GPM6A: variants seen among roughly 807,000 people sequenced by gnomAD.
GPM6A encodes the protein neuronal membrane glycoprotein M6-a.
GPM6A carries 7 observed loss-of-function variants against 32.1 expected under a neutral mutation model. That is an observed-to-expected ratio of 0.22 (90% confidence interval 0.12 to 0.41). The LOEUF (loss-of-function observed/expected upper bound fraction) is 0.41. Among genes scored for constraint, GPM6A ranks in the 10% least tolerant of loss-of-function variants. The probability of loss-of-function intolerance (pLI) is 1.00; values close to 1 mark genes in which losing one functional copy is unlikely to be tolerated. For missense variants in GPM6A, 235 were observed against 347.2 expected (o/e 0.68, Z 2.57); for synonymous variants, 130 against 123.4 (o/e 1.05, Z -0.35).
chr4:175,932,454 G>A (rs1739083303), intron 1 of GPM6A, among the ~76,000 whole-genome samples: 3 of 152,188 alleles, frequency 2.0e-5, no homozygotes, highest in African/African-American at 2.4e-5. Flanking sequence ...CCTTGATCTC[G>A]GACTTTCCAT....
intron 1 of GPM6A, among the ~76,000 whole-genome samples, chr4:175,850,686 A>G (rs1168813161): frequency 6.6e-6 from 1 of 151,994 alleles, no homozygotes; most frequent in Non-Finnish European, 1.5e-5. Context: ...GATGCATTGC[A>G]AGAAATATAT....
chr4:175,660,871 T>C (rs1301029018), intron 3 of GPM6A, among the ~76,000 whole-genome samples: 1 of 152,228 alleles, frequency 6.6e-6, no homozygotes. Context: ...AGGTTGACAG[T>C]GTGACACTTT....
intron 1 of GPM6A, among the ~76,000 whole-genome samples, chr4:175,765,350 A>T (rs1051444068): frequency 2.0e-5 from 3 of 152,158 alleles, no homozygotes; most frequent in Admixed American, 1.3e-4. Context: ...TCTTAAGTTT[A>T]TTCTCCACCA....
chr4:175,714,994 GAAA>G (rs34494840), intron 1 of GPM6A, among the ~76,000 whole-genome samples: 14 of 105,372 alleles, frequency 1.3e-4, no homozygotes, highest in Non-Finnish European at 2.9e-4. Flanking sequence ...ATCCCTGGAA[GAAA>G]AAAAAAAAAA....
chr4:175,927,586 G>A (rs1738885574), intron 1 of GPM6A, among the ~76,000 whole-genome samples: 1 of 152,194 alleles, frequency 6.6e-6, no homozygotes, highest in Non-Finnish European at 1.5e-5. Context: ...TACTGGTTAA[G>A]AATGAAGGTA....
chr4:175,880,434 T>G (rs574134584), intron 1 of GPM6A, among the ~76,000 whole-genome samples: 13 of 152,294 alleles, frequency 8.5e-5, no homozygotes, highest in African/African-American at 2.2e-4. Context: ...AAAGTCATTG[T>G]TAGCTTGATG....
At chr4:175,963,228 C>T (rs1385070328) in intron 1 of GPM6A, among the ~76,000 whole-genome samples, 2 of 151,662 alleles carry the variant, frequency 1.3e-5, no homozygotes, top group Non-Finnish European at 2.9e-5. Flanking sequence ...GAGAAAAGAA[C>T]AGAAAAAAAT....
upstream of GPM6A, chr4:175,812,732 T>TC: frequency 1.0e-6 from 1 of 985,300 alleles, no homozygotes; most frequent in Non-Finnish European, 1.2e-6. Context: ...AACCCGTAAT[T>TC]CCCCCCTTCA....
In GPM6A at chr4:175,633,542, C is replaced by G. The variant is rs1320361694; in HGVS notation, c.*1363G>C. ...GCACAATACTACCTAGTTTTATACA[C>G]TGAAAAAAATGTCTTGTCAGGCTAC... On this transcript the variant is annotated 3_prime_UTR_variant, in exon 7 of 7. Coordinates refer to ENST00000393658, the MANE Select transcript of GPM6A (RefSeq NM_201591.3). 1.3e-5 allele frequency: 2 copies of G among 152,338 alleles called. No homozygotes were observed. Among genetic ancestry groups the G allele is most frequent in the Non-Finnish European group, 2.9e-5 (2 of 67,902 alleles). 9.4% of individuals were successfully genotyped at this position (152,338 alleles called of 1,614,324 possible).
chr4:175,939,655 C>T (rs781318524), intron 1 of GPM6A, among the ~76,000 whole-genome samples: 1 of 151,924 alleles, frequency 6.6e-6, no homozygotes, highest in African/African-American at 2.4e-5. Flanking sequence ...ATAAGCCTAC[C>T]AGATGGAAAA....
intron 1 of GPM6A, among the ~76,000 whole-genome samples, chr4:175,826,413 T>G (rs2111358367): frequency 6.6e-6 from 1 of 152,238 alleles, no homozygotes; most frequent in South Asian, 2.1e-4. Context: ...TATCACACTT[T>G]CCATTATAAA....
In GPM6A at chr4:175,797,511, A is replaced by T. The variant is rs572520898; in HGVS notation, c.37+14680T>A. The stretch of plus-strand genomic sequence containing the variant: ...TACATGGTAACTGTTTTATTGTTAC[A>T]TGCATTAGCATTTTCAATAACCGTA... On this transcript the variant is annotated intron_variant, in intron 1 of 6. Transcript: ENST00000393658. Among the ~76,000 whole-genome samples the T allele has an allele frequency of 5.3e-5, 8 of 152,274 alleles. No homozygotes were observed. In the South Asian group the frequency reaches 6.2e-4, roughly 12 times the overall value.
rs544602798 is a variant in GPM6A, at chr4:175,671,684, A to G, written c.387+1996T>C. Among the ~76,000 whole-genome samples the G allele has an allele frequency of 5.3e-5, 8 of 152,224 alleles. No individual in the cohort carries two copies. The East Asian group carries it at 1.4e-3, about 26-fold the overall frequency. ...TTCTGCAGCGCTGGCTGCAGCCGCC[A>G]CTGTTTACTTCTCAGTCGTGGAGCT... On this transcript the variant is annotated intron_variant, in intron 3 of 6. Coordinates refer to ENST00000393658, the MANE Select transcript of GPM6A (RefSeq NM_201591.3).
intron 2 of GPM6A, among the ~76,000 whole-genome samples, chr4:175,686,187 C>A (rs555329776): frequency 6.6e-6 from 1 of 152,166 alleles, no homozygotes; most frequent in African/African-American, 2.4e-5. Flanking sequence ...ATTGCAAGAG[C>A]GAAAATGAAC....
At chr4:175,786,088 A>G (rs1733787277) in intron 1 of GPM6A, among the ~76,000 whole-genome samples, 1 of 152,158 alleles carries the variant, frequency 6.6e-6, no homozygotes, top group African/African-American at 2.4e-5. Flanking sequence ...CTCACAGGAT[A>G]TTGCTGGATA....
chr4:175,737,828 G>T (rs574029440), intron 1 of GPM6A, among the ~76,000 whole-genome samples: 1 of 151,994 alleles, frequency 6.6e-6, no homozygotes, highest in African/African-American at 2.4e-5. Flanking sequence ...ACCAACTCTT[G>T]TATGAACTAA....
chr4:175,668,519 A>G lies in GPM6A; in HGVS notation c.387+5161T>C, dbSNP rs202051407. 2.2e-4 allele frequency among the ~76,000 whole-genome samples: 30 copies of G among 139,344 alleles called. 1 individual carries two copies. Among genetic ancestry groups the G allele is most frequent in the East Asian group, 1.2e-3 (5 of 4,230 alleles). The allele number at this position is 139,344 out of a possible 152,430, so 91.4% of individuals were successfully genotyped here. A position where few individuals can be genotyped will look rare whatever the true frequency, so the allele number is the denominator to read the frequency against. On this transcript the variant is annotated intron_variant, in intron 3 of 6. Coordinates refer to ENST00000393658, the MANE Select transcript of GPM6A (RefSeq NM_201591.3). ...CCCACAGTTTAGGATTCAAACGTTT[A>G]TGTGTGTGTGTGTGTGTGTGTGTTT...
chr4:175,896,635 C>T (rs1737801767), intron 1 of GPM6A, among the ~76,000 whole-genome samples: 1 of 152,152 alleles, frequency 6.6e-6, no homozygotes, highest in Non-Finnish European at 1.5e-5. Flanking sequence ...GCTTCTGTTT[C>T]TGTCTTCTGC....
chr4:175,666,548 G>T (rs1742765412), intron 3 of GPM6A, among the ~76,000 whole-genome samples: 1 of 152,072 alleles, frequency 6.6e-6, no homozygotes, highest in Admixed American at 6.6e-5. Context: ...TACGATTTCT[G>T]GTTGAAAAAT....
Sources: allele counts gnomAD v4.1 joint callset (sites outside exome capture counted in the v4.1 genomes callset), GRCh38; gene constraint gnomAD v4.1.1; transcripts MANE v1.5; gene names NCBI Gene and HGNC (gene_info 2026-07-23, HGNC 2026-07-21).